Variants in FKBP6 observed in about 807,000 individuals in gnomAD.
FKBP6 encodes inactive peptidyl-prolyl cis-trans isomerase FKBP6.
In FKBP6, 29 loss-of-function variants were observed where a neutral mutation model predicts 41.7. The ratio of observed to expected loss-of-function variants is 0.70; its 90% CI spans 0.52 to 0.95. The LOEUF (loss-of-function observed/expected upper bound fraction) is 0.95, where lower values mean the gene tolerates loss of function less well. Among genes scored for constraint, FKBP6 ranks in the 40% least tolerant of loss-of-function variants. The probability of loss-of-function intolerance (pLI) is 0.00; values close to 1 mark genes in which losing one functional copy is unlikely to be tolerated. For synonymous variants in FKBP6, 130 were observed against 165.1 expected (o/e 0.79, Z 1.63); for missense variants, 338 against 408.7 (o/e 0.83, Z 1.49).
intron 8 of FKBP6, among the ~76,000 whole-genome samples, chr7:73,353,059 G>C (rs1805533157): frequency 6.6e-6 from 1 of 152,094 alleles, no homozygotes. Flanking sequence ...ACAGCGGCAT[G>C]ATATCTTCCA....
intron 5 of FKBP6, among the ~76,000 whole-genome samples, chr7:73,338,730 T>C (rs183866682): frequency 2.0e-5 from 3 of 152,360 alleles, no homozygotes; most frequent in East Asian, 1.9e-4. Flanking sequence ...ACTGATGACA[T>C]TGGACATATT....
At chr7:73,330,508 A>G (rs1380253150) in intron 4 of FKBP6, among the ~76,000 whole-genome samples, 156 bp downstream of exon 4, 1 of 151,922 alleles carries the variant, frequency 6.6e-6, no homozygotes, top group Non-Finnish European at 1.5e-5. Flanking sequence ...TCTGCTTCCT[A>G]GTCTGTGTTT....
At chr7:73,356,686 T>G (rs1805640966) in intron 8 of FKBP6, among the ~76,000 whole-genome samples, 1 of 152,232 alleles carries the variant, frequency 6.6e-6, no homozygotes, top group Non-Finnish European at 1.5e-5. Context: ...ACTCTGTCAT[T>G]AATTCTGTGA....
intron 8 of FKBP6, among the ~76,000 whole-genome samples, chr7:73,356,352 G>A (rs1195397744): frequency 6.6e-6 from 1 of 152,180 alleles, no homozygotes; most frequent in African/African-American, 2.4e-5. Context: ...TCCTGTGACA[G>A]TCAAAGTCCT....
At chr7:73,341,144 G>A in intron 6 of FKBP6, 129 bp from the exon 7 acceptor site, 1 of 789,040 alleles carries the variant, frequency 1.3e-6, no homozygotes, top group Non-Finnish European at 2.3e-6. Flanking sequence ...GGCTGGTCTG[G>A]AATCCCTGAC....
At chr7:73,337,514 A>G (rs1805043448) in intron 5 of FKBP6, among the ~76,000 whole-genome samples, 1 of 151,708 alleles carries the variant, frequency 6.6e-6, no homozygotes, top group African/African-American at 2.4e-5. Context: ...TGGGGTTTCC[A>G]TGTTGGCCAG....
intron 8 of FKBP6, among the ~76,000 whole-genome samples, chr7:73,347,011 G>A (rs1805350200): frequency 6.6e-6 from 1 of 152,156 alleles, no homozygotes; most frequent in Admixed American, 6.5e-5. Flanking sequence ...ATGAGGGGCG[G>A]CCAGAACTTG....
At chr7:73,352,134 T>G (rs1309563121) in intron 8 of FKBP6, among the ~76,000 whole-genome samples, 1 of 152,148 alleles carries the variant, frequency 6.6e-6, no homozygotes, top group Non-Finnish European at 1.5e-5. Context: ...CCCTGCTGAT[T>G]TTTTTTATTT....
intron 5 of FKBP6, chr7:73,337,053 G>T: frequency 3.0e-6 from 1 of 331,564 alleles, no homozygotes; most frequent in South Asian, 2.4e-5. Flanking sequence ...CAGGTAAGCA[G>T]GGCCTGTAGA....
At chr7:73,329,919 C>T in intron 3 of FKBP6, 1 of 601,354 alleles carries the variant, frequency 1.7e-6, no homozygotes, top group Non-Finnish European at 3.0e-6. Context: ...CTGGGAGGTT[C>T]AGGGAAGGCT....
chr7:73,331,540 T>G (rs1395185012), intron 4 of FKBP6, 117 bp from the exon 5 acceptor site: 2 of 946,458 alleles, frequency 2.1e-6, no homozygotes, highest in Non-Finnish European at 1.7e-6. Context: ...TGGAGACATG[T>G]TCTCACTATG....
At position 73,341,603 on chromosome 7, in the gene FKBP6, G is replaced by A. The variant is rs930017763; in HGVS notation, c.893+221G>A. On this transcript the variant is annotated intron_variant, in intron 7 of 8. Transcript: ENST00000252037. ...TGCCAGACTATACATCTCCATCATC[G>A]CCCACCTTTCTGTTTCCCCTACCGC... Among the ~76,000 whole-genome samples the A allele has an allele frequency of 9.3e-5, 14 of 149,896 alleles. No homozygotes were observed. The East Asian group carries it at 2.4e-3, about 25-fold the overall frequency.
In FKBP6 at chr7:73,328,624, G is replaced by T. The variant is rs201144674; in HGVS notation, c.107G>T (p.Arg36Leu). ...SQRMLDISGD[R>L]GVLKDVIREG... is the part of the protein sequence containing the mutation. Reference sequence around the variant, plus strand: ...AGGATGCTGGACATCTCGGGGGACCGGGGCGTGCTGAAGGACGTCATCCGA... The same window carrying T: ...AGGATGCTGGACATCTCGGGGGACCTGGGCGTGCTGAAGGACGTCATCCGA... Residue 36 changes from arginine to leucine, a missense_variant, in exon 2 of 9, where the codon CGG (arginine) becomes CTG (leucine). Physicochemically the swap from Arg to Leu is moderately radical, Grantham distance 102. Coordinates refer to ENST00000252037, the MANE Select transcript of FKBP6 (RefSeq NM_003602.5). 6.2e-7 allele frequency: 1 copy of T among 1,610,486 alleles called. No homozygotes were observed. Among genetic ancestry groups the T allele is most frequent in the South Asian group, 1.1e-5 (1 of 90,842 alleles).
At chr7:73,332,608 G>A (rs147233965) in intron 5 of FKBP6, among the ~76,000 whole-genome samples, 1 of 152,128 alleles carries the variant, frequency 6.6e-6, no homozygotes, top group Non-Finnish European at 1.5e-5. Flanking sequence ...GAGGACTCAC[G>A]GGATTGGGAG....
At chr7:73,343,283 G>A (rs1805246107) in intron 8 of FKBP6, among the ~76,000 whole-genome samples, 1 of 152,188 alleles carries the variant, frequency 6.6e-6, no homozygotes, top group Admixed American at 6.5e-5. Context: ...AGCCTCCTGA[G>A]TAGCCGAGAT....
Position 73,331,734 on chromosome 7 carries a change from C to T in FKBP6, c.546C>T (p.Phe182=). Residue 182 remains phenylalanine, a synonymous_variant, in exon 5 of 9, where the codon TTC becomes TTT. Coordinates refer to ENST00000252037, the MANE Select transcript of FKBP6 (RefSeq NM_003602.5). ...ATEREFGNYL[F]RQNRFYDAKV... is the part of the protein sequence containing the mutation. The stretch of plus-strand genomic sequence containing the variant: ...AACGGGAGTTTGGCAACTACCTTTT[C>T]CGCCAGAATCGTTTCTATGATGCCA... 6.2e-7 allele frequency: 1 copy of T among 1,613,470 alleles called. No individual in the cohort carries two copies. The highest frequency in any genetic ancestry group is 8.5e-7 in the Non-Finnish European group (1 of 1,179,374).
intron 8 of FKBP6, among the ~76,000 whole-genome samples, chr7:73,349,361 C>A (rs1387667674): frequency 2.0e-5 from 3 of 147,870 alleles, no homozygotes; most frequent in Admixed American, 1.4e-4. Flanking sequence ...GTAAGCTGCA[C>A]ACCACTGCGC....
intron 8 of FKBP6, among the ~76,000 whole-genome samples, chr7:73,355,780 A>G (rs1341413295): frequency 6.6e-6 from 1 of 152,064 alleles, no homozygotes; most frequent in Admixed American, 6.6e-5. Context: ...AAAATGCCAC[A>G]TGCCAGCCGG....
chr7:73,329,631 A>T, intron 3 of FKBP6, 182 bp downstream of exon 3: 1 of 641,034 alleles, frequency 1.6e-6, no homozygotes, highest in Non-Finnish European at 2.8e-6. Flanking sequence ...AGATGGCTTA[A>T]CGGGCAAGGT....
Sources: gnomAD v4.1 joint callset for allele counts (sites outside exome capture counted in the v4.1 genomes callset) on GRCh38, gnomAD v4.1.1 for gene constraint, MANE v1.5 for transcripts, NCBI Gene and HGNC (gene_info 2026-07-23, HGNC 2026-07-21) for gene names.